The following SMC1B variants were observed in gnomAD, a reference collection of about 807,000 sequenced individuals.
The protein encoded by SMC1B is structural maintenance of chromosomes 1B, also known as structural maintenance of chromosomes protein 1B.
Under a neutral mutation model 157.9 loss-of-function variants are expected in SMC1B, and 60 were observed. That is an observed-to-expected ratio of 0.38 (90% confidence interval 0.31 to 0.47). The LOEUF (loss-of-function observed/expected upper bound fraction) is 0.47. SMC1B is among the 20% of genes least tolerant of loss of function. The pLI, the probability that SMC1B is intolerant of heterozygous loss-of-function variation, is 0.99. For synonymous variants in SMC1B, 445 were observed against 483.0 expected, an observed-to-expected ratio of 0.92 and a Z score of 1.03; for missense variants, 1,165 against 1,426.2, an observed-to-expected ratio of 0.82 and a Z score of 2.95.
chr22:45,401,889 CT>C lies in SMC1B; in HGVS notation c.854+443del, dbSNP rs1555933581. Among the ~76,000 whole-genome samples, 876 of 147,154 alleles carry C rather than the reference CT, an allele frequency of 6.0e-3. 8 individuals carry two copies. Among genetic ancestry groups the C allele is most frequent in the African/African-American group, 0.018 (739 of 40,518 alleles). On this transcript the variant is annotated intron_variant, in intron 5 of 24. Transcript: ENST00000357450. ...CCACTTCAGGACCATTCTACACCACCTTTTTTTTTTTTGAGATGGAGTCTCA... is the reference window on the plus strand; with the variant it reads ...CCACTTCAGGACCATTCTACACCACCTTTTTTTTTTTGAGATGGAGTCTCA...
chr22:45,409,496 C>T (rs1030148713), intron 1 of SMC1B, among the ~76,000 whole-genome samples: 2 of 151,798 alleles, frequency 1.3e-5, no homozygotes, highest in African/African-American at 2.4e-5. Flanking sequence ...ACCTAGGAGG[C>T]GGTGGTTGCA....
At chr22:45,408,418 C>A (rs2146856943) in intron 2 of SMC1B, among the ~76,000 whole-genome samples, 1 of 152,292 alleles carries the variant, frequency 6.6e-6, no homozygotes, top group Admixed American at 6.5e-5. Flanking sequence ...AGCCACCATA[C>A]CCGACCCTCC....
rs1206517310 is a variant in SMC1B, at chr22:45,345,378, A to T, written c.3606+81T>A. 1.6e-5 allele frequency: 12 copies of T among 761,776 alleles called. No homozygotes were observed. The East Asian group carries it at 2.9e-4, about 18-fold the overall frequency. 47.2% of individuals were successfully genotyped at this position (761,776 alleles called of 1,614,324 possible). ...CATTAGACTCCATTTGGAAGTTTTA[A>T]TTAGGAAAGCCCAGTGGCTGTCAGG... On this transcript the variant is annotated intron_variant, in intron 24 of 24. Coordinates refer to ENST00000357450, the MANE Select transcript of SMC1B (RefSeq NM_148674.5).
chr22:45,395,648 A>G (rs2087114281), intron 7 of SMC1B, among the ~76,000 whole-genome samples: 2 of 152,310 alleles, frequency 1.3e-5, no homozygotes, highest in South Asian at 2.1e-4. Context: ...ACCTGAGGTC[A>G]GGAGTTCAAG....
Position 45,344,545 on chromosome 22 carries a change from C to T in SMC1B, c.*11G>A, listed in dbSNP as rs567983811. The T allele has an allele frequency of 1.2e-5, 19 of 1,593,434 alleles. No individual in the cohort carries two copies. Among genetic ancestry groups the T allele is most frequent in the East Asian group, 6.7e-5 (3 of 44,762 alleles). ...CTGAACAGTGATCAGGTGACTGCTG[C>T]AGGACTGCCCCTAGCGGGACTCTCC... On this transcript the variant is annotated 3_prime_UTR_variant, in exon 25 of 25. Transcript: ENST00000357450.
intron 7 of SMC1B, among the ~76,000 whole-genome samples, chr22:45,394,975 T>C (rs1298400190): frequency 6.6e-6 from 1 of 152,242 alleles, no homozygotes; most frequent in East Asian, 1.9e-4. Flanking sequence ...CTCTAGCGAT[T>C]TCTCTCTGTA....
intron 12 of SMC1B, among the ~76,000 whole-genome samples, chr22:45,377,789 G>A (rs1371699295): frequency 6.6e-6 from 1 of 151,822 alleles, no homozygotes; most frequent in African/African-American, 2.4e-5. Flanking sequence ...TCCTGCCTTG[G>A]CTTCCCAAAG....
At chr22:45,399,018 T>A (rs1288754506) in intron 6 of SMC1B, 77 bp downstream of exon 6, 16 of 1,392,788 alleles carry the variant, frequency 1.1e-5, no homozygotes, top group Non-Finnish European at 2.9e-6. Flanking sequence ...AGAGAGGTCA[T>A]CTTTTAAATT....
At chr22:45,346,084 A>G (rs1413585668) in intron 23 of SMC1B, among the ~76,000 whole-genome samples, 1 of 151,990 alleles carries the variant, frequency 6.6e-6, no homozygotes, top group Non-Finnish European at 1.5e-5. Flanking sequence ...AGGTGCCTAT[A>G]ATCCCAGCTA....
intron 4 of SMC1B, among the ~76,000 whole-genome samples, chr22:45,405,338 A>T (rs2087246630): frequency 6.6e-6 from 1 of 152,132 alleles, no homozygotes; most frequent in African/African-American, 2.4e-5. Context: ...AGGCAGGCAG[A>T]TCACGAGGTC....
chr22:45,386,796 GT>G, intron 11 of SMC1B, 70 bp downstream of exon 11: 1 of 1,334,222 alleles, frequency 7.5e-7, no homozygotes, highest in Non-Finnish European at 1.0e-6. Flanking sequence ...ATTTGTGTGT[GT>G]TTGTGTATGC....
intron 9 of SMC1B, among the ~76,000 whole-genome samples, chr22:45,392,740 G>T (rs2146830743): frequency 6.6e-6 from 1 of 152,142 alleles, no homozygotes; most frequent in Non-Finnish European, 1.5e-5. Flanking sequence ...TCACTCTGTG[G>T]CCTAGGCTGG....
At chr22:45,412,884 G>A (rs1449782961) in intron 1 of SMC1B, among the ~76,000 whole-genome samples, 2 of 152,188 alleles carry the variant, frequency 1.3e-5, no homozygotes, top group Non-Finnish European at 2.9e-5. Context: ...CTGGCTGCTT[G>A]GAACCCATTA....
At chr22:45,394,642 AT>A (rs750546940) in intron 8 of SMC1B, 42 bp downstream of exon 8, 9 of 1,476,216 alleles carry the variant, frequency 6.1e-6, no homozygotes, top group African/African-American at 1.4e-5. Flanking sequence ...CTCTCAAAAA[AT>A]AAAAGAAAAT....
At chr22:45,362,098 A>G (rs1447283874) in intron 16 of SMC1B, 114 bp from the exon 17 acceptor site, 7 of 1,090,828 alleles carry the variant, frequency 6.4e-6, no homozygotes, top group Non-Finnish European at 7.8e-6. Flanking sequence ...TTCTCACCCT[A>G]TGTGCTACCT....
chr22:45,360,320 T>C (rs150939576), intron 17 of SMC1B, among the ~76,000 whole-genome samples: 1,701 of 152,272 alleles, frequency 0.011, 16 homozygotes, highest in Non-Finnish European at 0.016. Context: ...ATACACTTAA[T>C]AATCTGTTTT....
intron 6 of SMC1B, 26 bp downstream of exon 6, chr22:45,399,069 A>G: frequency 6.3e-7 from 1 of 1,584,042 alleles, no homozygotes; most frequent in Non-Finnish European, 8.5e-7. Context: ...GAAACACAAG[A>G]TTTCCCCTAA....
At chr22:45,380,202 C>A (rs1027782181) in intron 12 of SMC1B, among the ~76,000 whole-genome samples, 3 of 152,076 alleles carry the variant, frequency 2.0e-5, no homozygotes, top group Non-Finnish European at 2.9e-5. Flanking sequence ...CTGATACGAG[C>A]CTTTTTTTTG....
At chr22:45,384,223 C>G (rs898625737) in intron 11 of SMC1B, among the ~76,000 whole-genome samples, 5 of 152,320 alleles carry the variant, frequency 3.3e-5, no homozygotes, top group South Asian at 4.1e-4. Context: ...CATTTTCCCA[C>G]TATATTATTG....
Sources: allele counts gnomAD v4.1 joint callset (sites outside exome capture counted in the v4.1 genomes callset), GRCh38; gene constraint gnomAD v4.1.1; transcripts MANE v1.5; gene names NCBI Gene and HGNC (gene_info 2026-07-23, HGNC 2026-07-21).